Variants in STK31 observed in about 807,000 individuals in gnomAD.
STK31 encodes the protein serine/threonine kinase 31, also known as serine/threonine-protein kinase 31.
Under a neutral mutation model 129.7 loss-of-function variants are expected in STK31, and 89 were observed. The observed-to-expected ratio is 0.69, with a 90% CI of 0.58 to 0.82. The LOEUF (loss-of-function observed/expected upper bound fraction) is 0.82. STK31 is among the 40% of genes least tolerant of loss of function. The pLI, the probability that STK31 is intolerant of heterozygous loss-of-function variation, is 0.00. For missense variants in STK31, 1,187 were observed against 1,176.4 expected (o/e 1.01, Z -0.13); for synonymous variants, 448 against 395.3 (o/e 1.13, Z -1.58).
chr7:23,725,958 G>C (rs1170201077), intron 4 of STK31: 2 of 152,182 alleles, frequency 1.3e-5, no homozygotes, highest in Non-Finnish European at 2.9e-5. Flanking sequence ...AGGAAGCAAA[G>C]GGAGGAAGAG....
chr7:23,772,107 T>C (rs745338723), intron 14 of STK31, 40 bp from the exon 15 acceptor site: 5 of 1,427,636 alleles, frequency 3.5e-6, no homozygotes, highest in Non-Finnish European at 4.8e-6. Context: ...ATAAATACTT[T>C]TCTTATGTGT....
chr7:23,769,064 A>G lies in STK31; in HGVS notation c.1486A>G (p.Lys496Glu). 2 of 1,613,278 alleles carry G rather than the reference A, an allele frequency of 1.2e-6. No individual in the cohort carries two copies. Among genetic ancestry groups the G allele is most frequent in the Non-Finnish European group, 1.7e-6 (2 of 1,179,442 alleles). ...KEGANSDEILKKFYDWKCDKR... is the reference protein window; with the variant it reads ...KEGANSDEILEKFYDWKCDKR... ...AGGAGCAAATTCTGATGAAATACTT[A>G]AAAAATTTTATGACTGGAAGTGTGA... Residue 496 changes from lysine to glutamate, a missense_variant, in exon 12 of 24, where the codon AAA becomes GAA. Coordinates refer to ENST00000355870, the MANE Select transcript of STK31 (RefSeq NM_031414.5).
chr7:23,710,577 A>G (rs1377439767), intron 1 of STK31: 4 of 1,376,254 alleles, frequency 2.9e-6, no homozygotes, highest in Non-Finnish European at 9.4e-7. Context: ...GCGGTCACGC[A>G]GCCTCCACAC....
chr7:23,769,274 C>A (rs1790031196), intron 12 of STK31, 100 bp downstream of exon 12: 1 of 1,142,024 alleles, frequency 8.8e-7, no homozygotes, highest in Non-Finnish European at 1.2e-6. Context: ...CATCTACCTA[C>A]TATGTATCAG....
chr7:23,716,797 C>CTT (rs34047442), intron 3 of STK31, among the ~76,000 whole-genome samples: 4,667 of 123,342 alleles, frequency 0.038, 182 homozygotes, highest in African/African-American at 0.096. Flanking sequence ...TTTTTGAGCA[C>CTT]TTTTTTTTTT....
intron 10 of STK31, among the ~76,000 whole-genome samples, chr7:23,757,330 C>T (rs114804716): frequency 0.014 from 2,156 of 152,148 alleles, 48 homozygotes; most frequent in African/African-American, 0.048. Flanking sequence ...AAGGGACCGG[C>T]GCTCAGCATG....
intron 6 of STK31, among the ~76,000 whole-genome samples, chr7:23,730,334 G>A (rs1421790146): frequency 6.6e-6 from 1 of 152,160 alleles, no homozygotes; most frequent in Non-Finnish European, 1.5e-5. Flanking sequence ...TTGTAGGTGT[G>A]TTGGGTATAG....
intron 9 of STK31, among the ~76,000 whole-genome samples, 171 bp downstream of exon 9, chr7:23,753,003 G>T (rs913515988): frequency 6.6e-6 from 1 of 152,122 alleles, no homozygotes; most frequent in African/African-American, 2.4e-5. Flanking sequence ...TACTGTTTTT[G>T]TCAGGTTTCT....
At chr7:23,764,528 T>G (rs972473437) in intron 11 of STK31, among the ~76,000 whole-genome samples, 1 of 152,232 alleles carries the variant, frequency 6.6e-6, no homozygotes, top group Non-Finnish European at 1.5e-5. Context: ...TTATTTAGAC[T>G]TCTTTTGTGG....
At chr7:23,758,277 T>G (rs910945992) in intron 10 of STK31, among the ~76,000 whole-genome samples, 4 of 152,238 alleles carry the variant, frequency 2.6e-5, no homozygotes, top group African/African-American at 4.8e-5. Context: ...TATAGTATTC[T>G]GTGATGGTAG....
intron 22 of STK31, among the ~76,000 whole-genome samples, chr7:23,803,702 C>G (rs745937815): frequency 1.3e-5 from 2 of 152,274 alleles, no homozygotes; most frequent in East Asian, 3.9e-4. Flanking sequence ...GCCTAGTACC[C>G]AATAGTTATT....
At chr7:23,737,200 C>G in intron 8 of STK31, 122 bp downstream of exon 8, 3 of 893,066 alleles carry the variant, frequency 3.4e-6, no homozygotes, top group Non-Finnish European at 4.5e-6. Context: ...TTGCTAATCC[C>G]TGTATTTGTT....
chr7:23,744,686 C>T (rs1481098018), intron 8 of STK31, among the ~76,000 whole-genome samples: 1 of 152,086 alleles, frequency 6.6e-6, no homozygotes, highest in East Asian at 1.9e-4. Flanking sequence ...GTAGCATAGT[C>T]TTTGTATGAT....
intron 22 of STK31, among the ~76,000 whole-genome samples, chr7:23,813,039 C>CT (rs1434644227): frequency 7.7e-6 from 1 of 130,308 alleles, no homozygotes; most frequent in Non-Finnish European, 1.6e-5. Context: ...AAAGTTGGAT[C>CT]TTTTGTTATT....
intron 23 of STK31, among the ~76,000 whole-genome samples, chr7:23,827,233 C>G (rs1794217681): frequency 6.6e-6 from 1 of 152,200 alleles, no homozygotes; most frequent in Non-Finnish European, 1.5e-5. Context: ...TTGAGGTACA[C>G]CAATTAGACG....
At chr7:23,752,587 C>T in intron 8 of STK31, 130 bp from the exon 9 acceptor site, 1 of 675,890 alleles carries the variant, frequency 1.5e-6, no homozygotes, top group South Asian at 1.7e-5. Flanking sequence ...ACCATCTGTC[C>T]TCCTTGGCCT....
intron 22 of STK31, among the ~76,000 whole-genome samples, chr7:23,799,921 A>C (rs1038930687): frequency 2.0e-5 from 3 of 152,240 alleles, no homozygotes; most frequent in African/African-American, 7.2e-5. Flanking sequence ...AAAAGTGGGC[A>C]AAGGATATAA....
At chr7:23,742,211 A>G (rs1188913217) in intron 8 of STK31, among the ~76,000 whole-genome samples, 1 of 152,222 alleles carries the variant, frequency 6.6e-6, no homozygotes, top group Non-Finnish European at 1.5e-5. Flanking sequence ...TGCCTTGGGC[A>G]TGGGGCTAGA....
At chr7:23,738,747 G>A (rs1039899900) in intron 8 of STK31, among the ~76,000 whole-genome samples, 1 of 151,988 alleles carries the variant, frequency 6.6e-6, no homozygotes, top group African/African-American at 2.4e-5. Flanking sequence ...GTAGAGACGG[G>A]GTTTCACCAT....
Sources: allele counts gnomAD v4.1 joint callset (sites outside exome capture counted in the v4.1 genomes callset), GRCh38; gene constraint gnomAD v4.1.1; transcripts MANE v1.5; gene names NCBI Gene and HGNC (gene_info 2026-07-23, HGNC 2026-07-21).